Variants in NAP1L4 observed in about 807,000 individuals in gnomAD.
NAP1L4 encodes nucleosome assembly protein 1 like 4, also known as nucleosome assembly protein 1-like 4.
Under a neutral mutation model 58.2 loss-of-function variants are expected in NAP1L4, and 15 were observed. That is an observed-to-expected ratio of 0.26 (90% CI 0.17 to 0.40). The LOEUF (loss-of-function observed/expected upper bound fraction) is 0.40. Ranked by LOEUF, NAP1L4 falls within the 10% of genes least tolerant of loss-of-function variation. The pLI is 1.00. For missense variants in NAP1L4, 384 were observed against 451.1 expected, an observed-to-expected ratio of 0.85 and a Z score of 1.35; for synonymous variants, 171 against 155.6, an observed-to-expected ratio of 1.10 and a Z score of -0.74.
At position 2,946,813 on chromosome 11, in the gene NAP1L4, G is replaced by A. The variant is rs1845963140; in HGVS notation, c.*33-1167C>T. 6.6e-6 allele frequency among the ~76,000 whole-genome samples: 1 copy of A among 152,228 alleles called. No homozygotes were observed. The highest frequency in any genetic ancestry group is 2.4e-5 in the African/African-American group (1 of 41,462). On this transcript the variant is annotated intron_variant, in intron 15 of 15. Coordinates refer to ENST00000380542, the MANE Select transcript of NAP1L4 (RefSeq NM_005969.4). The surrounding 1 kb of genome is among the most constrained non-coding windows in gnomAD (Gnocchi z 4.8). The stretch of plus-strand genomic sequence containing the variant: ...GAGGCTGACCAAAAACCCTCGCCAT[G>A]TCAATCTGACATTCAAGGGTAGACT...
chr11:2,975,759 G>C (rs1355893886), intron 4 of NAP1L4, among the ~76,000 whole-genome samples: 1 of 151,856 alleles, frequency 6.6e-6, no homozygotes, highest in Non-Finnish European at 1.5e-5. Context: ...CAGATGATCT[G>C]TGAAGTCCTC....
chr11:2,967,541 G>A (rs532769586), intron 7 of NAP1L4, among the ~76,000 whole-genome samples: 1 of 151,708 alleles, frequency 6.6e-6, no homozygotes, highest in East Asian at 1.9e-4. Flanking sequence ...AACCCAGGAG[G>A]TGGAGCTTAC....
intron 15 of NAP1L4, among the ~76,000 whole-genome samples, chr11:2,947,645 C>G (rs566829068): frequency 6.6e-6 from 1 of 152,078 alleles, no homozygotes; most frequent in African/African-American, 2.4e-5. Flanking sequence ...ACCTAAACTC[C>G]CAAACTGAAG....
chr11:2,964,474 G>A (rs941155617), intron 8 of NAP1L4, among the ~76,000 whole-genome samples: 1 of 152,146 alleles, frequency 6.6e-6, no homozygotes, highest in African/African-American at 2.4e-5. Flanking sequence ...GACACAGAAA[G>A]GCAATGGGAT....
At chr11:2,990,322 A>G (rs1848885708) in intron 1 of NAP1L4, 1 of 152,210 alleles carries the variant, frequency 6.6e-6, no homozygotes, top group Non-Finnish European at 1.5e-5. Context: ...CTCTAAGTAA[A>G]CTTGTGAACT....
intron 1 of NAP1L4, among the ~76,000 whole-genome samples, chr11:2,980,388 T>A (rs994297236): frequency 6.6e-6 from 1 of 152,114 alleles, no homozygotes; most frequent in African/African-American, 2.4e-5. Flanking sequence ...TCTGGCTAAG[T>A]TGCCCAGGCT....
chr11:2,954,467 CACTCTGCACCA>C lies in NAP1L4; in HGVS notation c.1035+49_1035+59del. ...GGTTTCCTAAGCCACAATTCAGGGCCACTCTGCACCAACAGAGATAAGCACCCAGGTGGAAG... is the reference window on the plus strand; with the variant it reads ...GGTTTCCTAAGCCACAATTCAGGGCCACAGAGATAAGCACCCAGGTGGAAG... On this transcript the variant is annotated intron_variant, in intron 12 of 15. Transcript: ENST00000380542. The surrounding 1 kb of genome is among the most constrained non-coding windows in gnomAD (Gnocchi z 4.8). 1 of 1,609,634 alleles carries C rather than the reference CACTCTGCACCA, an allele frequency of 6.2e-7. No individual in the cohort carries two copies. The highest frequency in any genetic ancestry group is 1.1e-5 in the South Asian group (1 of 90,964).
rs1012392057 is a variant in NAP1L4, at chr11:2,974,131, A to AT, written c.174-1889dup. ...TCCAACTGAAGTAAAATGACAAAGG[A>AT]TTTTTTTTTTTAATTATACTTTAAG... On this transcript the variant is annotated intron_variant, in intron 4 of 15. Coordinates refer to ENST00000380542, the MANE Select transcript of NAP1L4 (RefSeq NM_005969.4). 2.8e-3 allele frequency among the ~76,000 whole-genome samples: 422 copies of AT among 149,496 alleles called. 2 individuals carry two copies. Among genetic ancestry groups the AT allele is most frequent in the Middle Eastern group, 0.017 (5 of 290 alleles).
intron 12 of NAP1L4, chr11:2,952,230 C>T (rs1249106785): frequency 5.3e-6 from 1 of 187,782 alleles, no homozygotes; most frequent in African/African-American, 2.4e-5. Flanking sequence ...ATCTGGGTAT[C>T]ATTTTACATC....
At position 2,985,424 on chromosome 11, in the gene NAP1L4, G is replaced by A. The variant is rs543425849; in HGVS notation, c.-17-6187C>T. Among the ~76,000 whole-genome samples, 3 of 152,324 alleles carry A rather than the reference G, an allele frequency of 2.0e-5. No individual in the cohort carries two copies. The South Asian group carries it at 6.2e-4, about 32-fold the overall frequency. On this transcript the variant is annotated intron_variant, in intron 1 of 15. Transcript: ENST00000380542. The stretch of plus-strand genomic sequence containing the variant: ...CTGTTTGTTTTAAATGTTATGTTCA[G>A]TTTAATACTAGTCTTATAAAACCAC...
intron 8 of NAP1L4, among the ~76,000 whole-genome samples, chr11:2,964,123 C>A (rs570605086): frequency 6.6e-6 from 1 of 151,852 alleles, no homozygotes; most frequent in South Asian, 2.1e-4. Context: ...GTCTTATTTG[C>A]GCTTTTTTTT....
chr11:2,982,405 A>C (rs1207458738), intron 1 of NAP1L4, among the ~76,000 whole-genome samples: 1 of 152,240 alleles, frequency 6.6e-6, no homozygotes, highest in Non-Finnish European at 1.5e-5. Flanking sequence ...TAACACTGTC[A>C]GTTTAATGGA....
chr11:2,947,299 G>T (rs886587913), intron 15 of NAP1L4, among the ~76,000 whole-genome samples: 4 of 152,250 alleles, frequency 2.6e-5, no homozygotes, highest in African/African-American at 2.4e-5. Flanking sequence ...GTATTCATCT[G>T]TCCTAAATAA....
Position 2,955,888 on chromosome 11 carries a change from C to G in NAP1L4, c.893-122G>C, listed in dbSNP as rs1846511327. 3 of 850,022 alleles carry G rather than the reference C, an allele frequency of 3.5e-6. No homozygotes were observed. Among genetic ancestry groups the G allele is most frequent in the African/African-American group, 1.7e-5 (1 of 58,210 alleles). 52.7% of individuals were successfully genotyped at this position (850,022 alleles called of 1,614,324 possible). On this transcript the variant is annotated intron_variant, in intron 10 of 15. Transcript: ENST00000380542. The surrounding 1 kb of genome is among the most constrained non-coding windows in gnomAD (Gnocchi z 4.2). ...TAACATTTCTCACCTCGAGGTTTAACAGAAATCCCCAAAGCCTTGCATCTC... is the reference window on the plus strand; with the variant it reads ...TAACATTTCTCACCTCGAGGTTTAAGAGAAATCCCCAAAGCCTTGCATCTC...
intron 14 of NAP1L4, among the ~76,000 whole-genome samples, chr11:2,950,798 T>C (rs930757022): frequency 2.6e-5 from 4 of 152,224 alleles, no homozygotes; most frequent in African/African-American, 7.2e-5. Context: ...ATGAGATATC[T>C]AGACACATCA....
Position 2,959,974 on chromosome 11 carries a change from G to A in NAP1L4, c.607-65C>T. The A allele has an allele frequency of 6.5e-7, 1 of 1,534,502 alleles. No individual in the cohort carries two copies. The highest frequency in any genetic ancestry group is 8.9e-7 in the Non-Finnish European group (1 of 1,121,420). The stretch of plus-strand genomic sequence containing the variant: ...AAAAATAACGAGGACAGATTGCTTG[G>A]AGTACACAACACTTACTAGAAGCTA... On this transcript the variant is annotated intron_variant, in intron 8 of 15. Transcript: ENST00000380542. The surrounding 1 kb of genome is among the most constrained non-coding windows in gnomAD (Gnocchi z 4.9).
rs1256098904 is a variant in NAP1L4, at chr11:2,955,082, G to T, written c.916-436C>A. Among the ~76,000 whole-genome samples the T allele has an allele frequency of 6.6e-6, 1 of 151,936 alleles. No homozygotes were observed. Among genetic ancestry groups the T allele is most frequent in the Admixed American group, 6.6e-5 (1 of 15,266 alleles). On this transcript the variant is annotated intron_variant, in intron 11 of 15. Coordinates refer to ENST00000380542, the MANE Select transcript of NAP1L4 (RefSeq NM_005969.4). The surrounding 1 kb of genome is among the most constrained non-coding windows in gnomAD (Gnocchi z 4.2). Reference sequence around the variant, plus strand: ...TGGATTTTTTTTTTTTAAGAGACAGGGTCTTATTCTATCACCCAGGTTGGA... The same window carrying T: ...TGGATTTTTTTTTTTTAAGAGACAGTGTCTTATTCTATCACCCAGGTTGGA...
At chr11:2,967,208 T>C (rs188577156) in intron 7 of NAP1L4, among the ~76,000 whole-genome samples, 124 of 152,310 alleles carry the variant, frequency 8.1e-4, no homozygotes, top group African/African-American at 2.6e-3. Context: ...GTGTCCTGAC[T>C]GTGCCTATGA....
At position 2,952,004 on chromosome 11, in the gene NAP1L4, T is replaced by G. The variant is rs1342468405; in HGVS notation, c.1036-195A>C. On this transcript the variant is annotated intron_variant, in intron 12 of 15. Transcript: ENST00000380542. ...GCATTTTAAAAGCATGCCAGGAAAT[T>G]GAAAGTCACGCAAAACAAGGAATAG... 1.6e-5 allele frequency: 10 copies of G among 634,934 alleles called. No individual in the cohort carries two copies. The East Asian group carries it at 2.7e-4, about 17-fold the overall frequency. The allele number at this position is 634,934 out of a possible 1,614,324, so 39.3% of individuals were successfully genotyped here.
Sources: allele counts gnomAD v4.1 joint callset (sites outside exome capture counted in the v4.1 genomes callset), GRCh38; gene constraint gnomAD v4.1.1; non-coding constraint Gnocchi (gnomAD v3.1); transcripts MANE v1.5; gene names NCBI Gene and HGNC (gene_info 2026-07-23, HGNC 2026-07-21).